Variants in CCDC178 observed in about 807,000 individuals in gnomAD.
The protein encoded by CCDC178 is coiled-coil domain containing 178.
A neutral mutation model predicts 117.4 loss-of-function variants in CCDC178; 126 were observed. That is an observed-to-expected ratio of 1.07 (90% CI 0.93 to 1.24). The LOEUF (loss-of-function observed/expected upper bound fraction) is 1.24, where lower values mean the gene tolerates loss of function less well. Ranked by LOEUF, CCDC178 falls within the 50% of genes most tolerant of loss-of-function variation. The probability of loss-of-function intolerance (pLI) is 0.00; values close to 1 mark genes in which losing one functional copy is unlikely to be tolerated. For synonymous variants in CCDC178, 283 were observed against 313.4 expected, an observed-to-expected ratio of 0.90 and a Z score of 1.02; for missense variants, 1,030 against 986.9, an observed-to-expected ratio of 1.04 and a Z score of -0.59.
chr18:33,229,734 C>T (rs1042004576), intron 15 of CCDC178, among the ~76,000 whole-genome samples: 10 of 152,112 alleles, frequency 6.6e-5, no homozygotes, highest in Non-Finnish European at 5.9e-5. Context: ...CTTGTAGGGC[C>T]TCCTTTAACA....
intron 21 of CCDC178, among the ~76,000 whole-genome samples, chr18:33,075,471 T>G (rs1375819179): frequency 6.6e-6 from 1 of 152,212 alleles, no homozygotes; most frequent in Non-Finnish European, 1.5e-5. Flanking sequence ...AACTCAATTC[T>G]CTACAATGTG....
chr18:32,968,722 A>G (rs2054867444), intron 22 of CCDC178, among the ~76,000 whole-genome samples: 1 of 152,040 alleles, frequency 6.6e-6, no homozygotes, highest in Admixed American at 6.6e-5. Context: ...TAGGAGTTTA[A>G]TGTTATTCCT....
chr18:32,992,650 T>C (rs988432072), intron 21 of CCDC178, among the ~76,000 whole-genome samples: 1 of 152,162 alleles, frequency 6.6e-6, no homozygotes, highest in Non-Finnish European at 1.5e-5. Flanking sequence ...AAGAAATAGA[T>C]TTTAAGCATG....
chr18:33,328,960 T>A (rs2062626378), intron 10 of CCDC178, among the ~76,000 whole-genome samples: 1 of 152,188 alleles, frequency 6.6e-6, no homozygotes, highest in African/African-American at 2.4e-5. Context: ...TTTATTCAAT[T>A]CTTATTCAAT....
At chr18:33,385,929 T>C (rs1015921805) in intron 5 of CCDC178, among the ~76,000 whole-genome samples, 1 of 152,022 alleles carries the variant, frequency 6.6e-6, no homozygotes. Context: ...GCTATTTTTT[T>C]AAAAGAATCA....
chr18:32,998,231 G>T (rs980017801), intron 21 of CCDC178, among the ~76,000 whole-genome samples: 2 of 152,166 alleles, frequency 1.3e-5, no homozygotes, highest in African/African-American at 4.8e-5. Context: ...GCAGAGGAAT[G>T]CAATACTGGG....
At chr18:33,259,139 A>G (rs1417327966) in intron 14 of CCDC178, among the ~76,000 whole-genome samples, 1 of 152,224 alleles carries the variant, frequency 6.6e-6, no homozygotes, top group African/African-American at 2.4e-5. Flanking sequence ...ATGTAAAAAC[A>G]TCACAAGGCC....
intron 21 of CCDC178, among the ~76,000 whole-genome samples, chr18:33,060,367 C>T (rs2056902818): frequency 6.6e-6 from 1 of 152,042 alleles, no homozygotes; most frequent in African/African-American, 2.4e-5. Context: ...TTTGAGGAAA[C>T]TCCATTGCTA....
chr18:32,994,676 T>C lies in CCDC178; in HGVS notation c.2389-19995A>G, dbSNP rs181042328. Reference sequence around the variant, plus strand: ...TCACCAAGTTTATTGCTGCGGTCAATAGAAATTATGAGTTAGCAACTAGGC... The same window carrying C: ...TCACCAAGTTTATTGCTGCGGTCAACAGAAATTATGAGTTAGCAACTAGGC... On this transcript the variant is annotated intron_variant, in intron 21 of 22. Coordinates refer to ENST00000383096, the MANE Select transcript of CCDC178 (RefSeq NM_001105528.4). Among the ~76,000 whole-genome samples the C allele has an allele frequency of 4.4e-3, 667 of 152,274 alleles. 1 individual carries two copies. The highest frequency in any genetic ancestry group is 7.4e-3 in the Non-Finnish European group (504 of 67,998).
intron 9 of CCDC178, among the ~76,000 whole-genome samples, chr18:33,334,205 CAG>C (rs1181035356): frequency 6.6e-6 from 1 of 151,864 alleles, no homozygotes; most frequent in African/African-American, 2.4e-5. Context: ...ATGTTGAAAA[CAG>C]AATATCTCAC....
intron 11 of CCDC178, among the ~76,000 whole-genome samples, chr18:33,296,361 T>C (rs2062105771): frequency 6.6e-6 from 1 of 151,958 alleles, no homozygotes; most frequent in Non-Finnish European, 1.5e-5. Flanking sequence ...TTACTGAATC[T>C]ATACGAGATA....
At chr18:33,141,816 G>A (rs2058208797) in intron 20 of CCDC178, among the ~76,000 whole-genome samples, 1 of 152,146 alleles carries the variant, frequency 6.6e-6, no homozygotes, top group Non-Finnish European at 1.5e-5. Flanking sequence ...TGTTCAATGA[G>A]ATGCCAATGT....
At position 33,124,479 on chromosome 18, in the gene CCDC178, C is replaced by T. The variant is rs994529035; in HGVS notation, c.2239-31569G>A. 8.5e-5 allele frequency among the ~76,000 whole-genome samples: 13 copies of T among 152,230 alleles called. No individual in the cohort carries two copies. The East Asian group carries it at 2.5e-3, about 29-fold the overall frequency. The stretch of plus-strand genomic sequence containing the variant: ...AATAGCTGATACCATACAGTCTTTC[C>T]CCAAAAGCTCCTAAATTATTTATTT... On this transcript the variant is annotated intron_variant, in intron 20 of 22. Coordinates refer to ENST00000383096, the MANE Select transcript of CCDC178 (RefSeq NM_001105528.4).
chr18:32,959,061 A>C (rs1568181696), intron 22 of CCDC178, among the ~76,000 whole-genome samples: 1 of 152,160 alleles, frequency 6.6e-6, no homozygotes, highest in African/African-American at 2.4e-5. Flanking sequence ...TTATCAAGTC[A>C]GATATTGATG....
chr18:33,086,192 A>T (rs917076450), intron 21 of CCDC178, among the ~76,000 whole-genome samples: 7 of 151,962 alleles, frequency 4.6e-5, no homozygotes, highest in Non-Finnish European at 8.8e-5. Flanking sequence ...AGTATCAAAG[A>T]AAGTCAGCAT....
intron 8 of CCDC178, among the ~76,000 whole-genome samples, chr18:33,347,919 C>T (rs2038231360): frequency 1.3e-5 from 2 of 151,900 alleles, no homozygotes; most frequent in Non-Finnish European, 2.9e-5. Context: ...TAAGCAACTA[C>T]CTGCAATTTT....
chr18:33,039,112 A>C (rs751319562), intron 21 of CCDC178, among the ~76,000 whole-genome samples: 4 of 152,078 alleles, frequency 2.6e-5, no homozygotes, highest in African/African-American at 4.8e-5. Context: ...AAGAGACATG[A>C]AAATAAAACA....
At chr18:33,261,071 T>G (rs977042535) in intron 14 of CCDC178, among the ~76,000 whole-genome samples, 22 of 97,028 alleles carry the variant, frequency 2.3e-4, no homozygotes, top group African/African-American at 5.8e-4. Flanking sequence ...AATATCAGGG[T>G]TTTTTTTTTC....
intron 15 of CCDC178, among the ~76,000 whole-genome samples, chr18:33,238,897 A>G (rs1032313102): frequency 6.6e-6 from 1 of 152,194 alleles, no homozygotes; most frequent in African/African-American, 2.4e-5. Flanking sequence ...ATCGTCACAT[A>G]TAAGAATTTG....
Sources: gnomAD v4.1 joint callset for allele counts (sites outside exome capture counted in the v4.1 genomes callset) on GRCh38, gnomAD v4.1.1 for gene constraint, MANE v1.5 for transcripts, NCBI Gene and HGNC (gene_info 2026-07-23, HGNC 2026-07-21) for gene names.